Variants in ERC1 observed in about 807,000 individuals in gnomAD.
ERC1 encodes the protein RAB6 interacting protein 2.
Under a neutral mutation model 132.0 loss-of-function variants are expected in ERC1, and 56 were observed. That is an observed-to-expected ratio of 0.42 (90% confidence interval 0.34 to 0.53). The LOEUF (loss-of-function observed/expected upper bound fraction) is 0.53, where lower values mean the gene tolerates loss of function less well. Among genes scored for constraint, ERC1 ranks in the 20% least tolerant of loss-of-function variants. The pLI is 0.03. For missense variants in ERC1, 1,202 were observed against 1,349.9 expected (o/e 0.89, Z 1.72); for synonymous variants, 478 against 476.1 (o/e 1.00, Z -0.05).
chr12:1,062,299 G>C (rs1938172415), intron 2 of ERC1, among the ~76,000 whole-genome samples: 1 of 151,512 alleles, frequency 6.6e-6, no homozygotes, highest in Non-Finnish European at 1.5e-5. Flanking sequence ...TTCTTTTTTT[G>C]AAAATGAAGA....
chr12:1,204,475 C>A (rs768852139), intron 12 of ERC1: 1 of 1,575,176 alleles, frequency 6.3e-7, no homozygotes, highest in Non-Finnish European at 8.6e-7. Flanking sequence ...TTCACATTTT[C>A]TTCCTGGATT....
intron 12 of ERC1, among the ~76,000 whole-genome samples, chr12:1,217,442 G>A (rs1017135369): frequency 6.6e-6 from 1 of 152,214 alleles, no homozygotes; most frequent in Admixed American, 6.5e-5. Context: ...GTGAGAATGG[G>A]TTCTCTGCTT....
intron 18 of ERC1, among the ~76,000 whole-genome samples, chr12:1,470,750 G>A (rs1480047636): frequency 6.6e-6 from 1 of 152,198 alleles, no homozygotes; most frequent in Non-Finnish European, 1.5e-5. Context: ...CTGCTTCTTT[G>A]TTTAGAATAC....
intron 1 of ERC1, among the ~76,000 whole-genome samples, chr12:1,010,567 A>G (rs1318368031): frequency 4.1e-5 from 6 of 147,952 alleles, no homozygotes; most frequent in Non-Finnish European, 8.9e-5. Flanking sequence ...CTGTAGTGCA[A>G]TGGCATGATC....
intron 12 of ERC1, among the ~76,000 whole-genome samples, chr12:1,232,157 T>TG (rs1227781274): frequency 6.6e-6 from 1 of 152,160 alleles, no homozygotes; most frequent in African/African-American, 2.4e-5. Flanking sequence ...CTGATTGCCT[T>TG]GGTGGTGGTG....
At chr12:1,372,033 A>C (rs1222819872) in intron 16 of ERC1, 56 bp downstream of exon 16, 8 of 1,587,054 alleles carry the variant, frequency 5.0e-6, no homozygotes, top group Non-Finnish European at 6.9e-6. Flanking sequence ...ACCATTCTCC[A>C]CACAGGTCTT....
chr12:1,141,139 A>T (rs1949824448), intron 7 of ERC1, among the ~76,000 whole-genome samples: 1 of 152,212 alleles, frequency 6.6e-6, no homozygotes, highest in Non-Finnish European at 1.5e-5. Flanking sequence ...TTGCTGTCTA[A>T]AAAGTAGACC....
intron 3 of ERC1, among the ~76,000 whole-genome samples, chr12:1,084,528 G>C (rs2154189929): frequency 6.6e-6 from 1 of 152,152 alleles, no homozygotes; most frequent in African/African-American, 2.4e-5. Context: ...TTTTGAAGTA[G>C]AACATCATTG....
rs538851953 is a variant in ERC1 at position 1,332,834 on chromosome 12, A to G, written c.2781-38999A>G. 2.0e-5 allele frequency among the ~76,000 whole-genome samples: 3 copies of G among 152,290 alleles called. No homozygotes were observed. The East Asian group carries it at 5.8e-4, about 29-fold the overall frequency. On this transcript the variant is annotated intron_variant, in intron 15 of 18. Transcript: ENST00000360905. ...AACTGCATGTCCTATGTAAGAGCATAGGGAGGTGAGGAGGGGAAACCATTG... is the reference window on the plus strand; with the variant it reads ...AACTGCATGTCCTATGTAAGAGCATGGGGAGGTGAGGAGGGGAAACCATTG...
At chr12:1,311,920 T>C (rs1205891961) in intron 15 of ERC1, among the ~76,000 whole-genome samples, 1 of 152,228 alleles carries the variant, frequency 6.6e-6, no homozygotes, top group Non-Finnish European at 1.5e-5. Flanking sequence ...CTTTATATGA[T>C]TGAATTTCCA....
At chr12:1,298,556 ACAAAC>A (rs753615259) in intron 15 of ERC1, among the ~76,000 whole-genome samples, 26,480 of 142,724 alleles carry the variant, frequency 0.19, 3,243 homozygotes, top group Non-Finnish European at 0.26. Context: ...AAAAAAAAAA[ACAAAC>A]AAACAAAGAA....
At chr12:1,065,613 T>G (rs1157433824) in intron 2 of ERC1, among the ~76,000 whole-genome samples, 1 of 151,604 alleles carries the variant, frequency 6.6e-6, no homozygotes, top group Admixed American at 6.6e-5. Flanking sequence ...GGGGACGGAT[T>G]TCTTCCTAGA....
At chr12:1,305,031 T>C (rs973820252) in intron 15 of ERC1, among the ~76,000 whole-genome samples, 1 of 151,998 alleles carries the variant, frequency 6.6e-6, no homozygotes, top group Non-Finnish European at 1.5e-5. Flanking sequence ...CCACCCACCT[T>C]GGCCTCCCAA....
intron 15 of ERC1, among the ~76,000 whole-genome samples, chr12:1,333,272 G>T (rs770722323): frequency 6.6e-6 from 1 of 151,630 alleles, no homozygotes; most frequent in Non-Finnish European, 1.5e-5. Flanking sequence ...GCCTGCAAAG[G>T]ACATGATCTC....
At chr12:1,468,976 C>T (rs1348671636) in intron 18 of ERC1, among the ~76,000 whole-genome samples, 2 of 152,176 alleles carry the variant, frequency 1.3e-5, no homozygotes, top group Non-Finnish European at 1.5e-5. Flanking sequence ...TTCTCCTTCA[C>T]GAATGTTAAC....
chr12:1,115,970 C>T lies in ERC1; in HGVS notation c.1506C>T (p.His502=), dbSNP rs1946398555. The T allele has an allele frequency of 1.9e-6, 3 of 1,613,996 alleles. No individual in the cohort carries two copies. Among genetic ancestry groups the T allele is most frequent in the East Asian group, 2.2e-5 (1 of 44,888 alleles). ...ACCAGTTCTCAGATAGTAAACAGCA[C>T]ATTGAAGTGTTGAAGGAGTCCTTGA... is the stretch of plus-strand genomic sequence containing the variant. ...LTNQFSDSKQ[H]IEVLKESLTA... Residue 502 remains histidine (H), a synonymous_variant, in exon 7 of 19, where the codon CAC becomes CAT. Transcript: ENST00000360905.
At chr12:1,437,601 T>C (rs2092985102) in intron 17 of ERC1, among the ~76,000 whole-genome samples, 1 of 152,224 alleles carries the variant, frequency 6.6e-6, no homozygotes, top group Non-Finnish European at 1.5e-5. Flanking sequence ...GTAAAAGAGA[T>C]GTTAACTGAA....
At chr12:1,266,129 C>T (rs1049347221) in intron 14 of ERC1, among the ~76,000 whole-genome samples, 3 of 152,116 alleles carry the variant, frequency 2.0e-5, no homozygotes, top group African/African-American at 7.2e-5. Context: ...AAAAAGCTGC[C>T]AAACAGTCTC....
chr12:1,249,639 C>A (rs535450328), intron 13 of ERC1, among the ~76,000 whole-genome samples: 1 of 152,228 alleles, frequency 6.6e-6, no homozygotes, highest in East Asian at 1.9e-4. Flanking sequence ...TTAATTGTAT[C>A]TATAGATGTC....
Sources: allele counts gnomAD v4.1 joint callset (sites outside exome capture counted in the v4.1 genomes callset), GRCh38; gene constraint gnomAD v4.1.1; transcripts MANE v1.5; gene names NCBI Gene and HGNC (gene_info 2026-07-23, HGNC 2026-07-21).